FNTB: variants seen among roughly 807,000 people sequenced by gnomAD.
The protein encoded by FNTB is farnesyltransferase, CAAX box, subunit beta.
Under a neutral mutation model 59.4 loss-of-function variants are expected in FNTB, and 27 were observed. The observed-to-expected ratio is 0.45, with a 90% confidence interval of 0.34 to 0.63. The LOEUF is 0.63. Among genes scored for constraint, FNTB ranks in the 20% least tolerant of loss-of-function variants. FNTB has a pLI of 0.02. For synonymous variants in FNTB, 230 were observed against 220.7 expected (o/e 1.04, Z -0.37); for missense variants, 449 against 559.6 (o/e 0.80, Z 1.99).
intron 1 of FNTB, among the ~76,000 whole-genome samples, chr14:64,998,425 A>C (rs1888483754): frequency 6.6e-6 from 1 of 150,684 alleles, no homozygotes; most frequent in Non-Finnish European, 1.5e-5. Context: ...CTTTTAAGAT[A>C]ATTATTATTG....
At chr14:65,017,917 T>G (rs1302105602) in intron 4 of FNTB, among the ~76,000 whole-genome samples, 1 of 152,116 alleles carries the variant, frequency 6.6e-6, no homozygotes, top group Non-Finnish European at 1.5e-5. Flanking sequence ...ATTGCGCCTT[T>G]GCACTCCAGT....
At chr14:65,026,438 C>G (rs1011975980) in intron 4 of FNTB, among the ~76,000 whole-genome samples, 4 of 152,198 alleles carry the variant, frequency 2.6e-5, no homozygotes, top group Non-Finnish European at 5.9e-5. Flanking sequence ...CTCCAAGAAC[C>G]CGCAGACTGG....
At position 65,023,914 on chromosome 14, in the gene FNTB, A is replaced by G. The variant is rs2061932218; in HGVS notation, c.375-3539A>G. 6.6e-6 allele frequency among the ~76,000 whole-genome samples: 1 copy of G among 152,140 alleles called. No individual in the cohort carries two copies. Among genetic ancestry groups the G allele is most frequent in the South Asian group, 2.1e-4 (1 of 4,824 alleles). On this transcript the variant is annotated intron_variant, in intron 4 of 11. Coordinates refer to ENST00000246166, the MANE Select transcript of FNTB (RefSeq NM_002028.4). The surrounding 1 kb of genome is among the most constrained non-coding windows in gnomAD (Gnocchi z 4.1). ...TCGGGAGTTCGAGACCAGCCTGGGC[A>G]ACACAGTGAAACCCTGACTCTACTA...
At chr14:65,005,529 TTCTC>T (rs2061573545) in intron 2 of FNTB, among the ~76,000 whole-genome samples, 1 of 141,658 alleles carries the variant, frequency 7.1e-6, no homozygotes, top group Non-Finnish European at 1.6e-5. Context: ...CTCTTTCTCT[TTCTC>T]TTTCTTTCTC....
In FNTB at chr14:65,055,447, G is replaced by A. The variant is rs952626935; in HGVS notation, c.1182+758G>A. On this transcript the variant is annotated intron_variant, in intron 11 of 11. Coordinates refer to ENST00000246166, the MANE Select transcript of FNTB (RefSeq NM_002028.4). ...AACATGGCCTGCTGCTACCATCTAG[G>A]TCACTGCCTTATTTTCTCATCTGTG... Among the ~76,000 whole-genome samples, 87 of 151,964 alleles carry A rather than the reference G, an allele frequency of 5.7e-4. 7 individuals are homozygous for A. The highest frequency in any genetic ancestry group is 8.8e-5 in the Non-Finnish European group (6 of 67,980).
chr14:65,021,730 C>T (rs1321878623), intron 4 of FNTB, among the ~76,000 whole-genome samples: 1 of 152,192 alleles, frequency 6.6e-6, no homozygotes, highest in Non-Finnish European at 1.5e-5. Flanking sequence ...ACTGCAACTT[C>T]CACCTTCCGG....
chr14:65,060,061 G>C (rs1222358482), intron 11 of FNTB, among the ~76,000 whole-genome samples: 3 of 151,538 alleles, frequency 2.0e-5, no homozygotes, highest in Non-Finnish European at 4.4e-5. Flanking sequence ...TTGAACTCCT[G>C]ACCTCGGGTG....
intron 4 of FNTB, among the ~76,000 whole-genome samples, chr14:65,020,888 C>T (rs779591539): frequency 2.6e-4 from 39 of 151,878 alleles, no homozygotes; most frequent in Non-Finnish European, 4.7e-4. Flanking sequence ...TGTGCCACCA[C>T]GCCCAGCTAA....
At chr14:65,033,814 G>A (rs2040717298) in intron 7 of FNTB, among the ~76,000 whole-genome samples, 2 of 152,154 alleles carry the variant, frequency 1.3e-5, no homozygotes, top group Admixed American at 6.5e-5. Context: ...CCGAGATCAC[G>A]CCACTGCACT....
At position 65,054,547 on chromosome 14, in the gene FNTB, G is replaced by A. The variant is rs372013447; in HGVS notation, c.1068-28G>A. The A allele has an allele frequency of 1.2e-5, 19 of 1,599,430 alleles. No homozygotes were observed. Among genetic ancestry groups the A allele is most frequent in the Middle Eastern group, 1.7e-4 (1 of 6,060 alleles). On this transcript the variant is annotated intron_variant, in intron 10 of 11. Transcript: ENST00000246166. The surrounding 1 kb of genome is among the most constrained non-coding windows in gnomAD (Gnocchi z 4.4). ...GTAGATGTGTGCGGAGCAGAGGAGC[G>A]CCTGCTCAGAGCTGCCTGTCCTTAC...
intron 9 of FNTB, among the ~76,000 whole-genome samples, chr14:65,051,845 A>G: frequency 6.8e-6 from 1 of 146,884 alleles, no homozygotes; most frequent in Non-Finnish European, 1.5e-5. Context: ...CCCAGGCTGG[A>G]GTGCAGTGGT....
At chr14:64,988,335 A>G (rs1888035616) in intron 1 of FNTB, among the ~76,000 whole-genome samples, 1 of 152,048 alleles carries the variant, frequency 6.6e-6, no homozygotes, top group Admixed American at 6.6e-5. Context: ...GAAATTTCCC[A>G]TTGATGAAAA....
At position 65,010,268 on chromosome 14, in the gene FNTB, G is replaced by A. The variant is rs143659687; in HGVS notation, c.210-2049G>A. On this transcript the variant is annotated intron_variant, in intron 2 of 11. Transcript: ENST00000246166. ...GGCTCCTCCAAACCCTTAGAGATGGGTCTTCCCACAGTTTTGTTTCCAAAC... is the reference window on the plus strand; with the variant it reads ...GGCTCCTCCAAACCCTTAGAGATGGATCTTCCCACAGTTTTGTTTCCAAAC... 2.7e-3 allele frequency among the ~76,000 whole-genome samples: 418 copies of A among 152,264 alleles called. 2 individuals are homozygous for A. The highest frequency in any genetic ancestry group is 0.01 in the Middle Eastern group (3 of 294).
intron 1 of FNTB, among the ~76,000 whole-genome samples, chr14:64,989,220 C>A (rs1888082318): frequency 6.7e-6 from 1 of 148,368 alleles, no homozygotes; most frequent in African/African-American, 2.5e-5. Flanking sequence ...GCGGGAAGAT[C>A]ACCTGAGCCC....
rs561165644 is a variant in FNTB, at chr14:65,040,259, GTA to G, written c.693-523_693-522del. Among the ~76,000 whole-genome samples the G allele has an allele frequency of 1.4e-3, 204 of 144,986 alleles. 1 individual carries two copies. Among genetic ancestry groups the G allele is most frequent in the African/African-American group, 5.1e-3 (200 of 39,090 alleles). On this transcript the variant is annotated intron_variant, in intron 7 of 11. Coordinates refer to ENST00000246166, the MANE Select transcript of FNTB (RefSeq NM_002028.4). ...TTGATGGTTATCACTATATATATAT[GTA>G]TATATATGTATATATATGTGTGTAT...
intron 7 of FNTB, among the ~76,000 whole-genome samples, chr14:65,036,626 C>A (rs2139604707): frequency 6.6e-6 from 1 of 152,270 alleles, no homozygotes; most frequent in East Asian, 1.9e-4. Context: ...ATTCTTAATT[C>A]TCTGTATGTT....
Position 65,054,593 on chromosome 14 carries a change from C to T in FNTB, c.1086C>T (p.His362=). 2 of 1,613,544 alleles carry T rather than the reference C, an allele frequency of 1.2e-6. No individual in the cohort carries two copies. Among genetic ancestry groups the T allele is most frequent in the Non-Finnish European group, 1.7e-6 (2 of 1,179,798 alleles). ...CTTACAGGTCGCGTGATTTCTACCACACCTGCTACTGCCTGAGCGGCCTGT... is the reference window on the plus strand; with the variant it reads ...CTTACAGGTCGCGTGATTTCTACCATACCTGCTACTGCCTGAGCGGCCTGT... ...DKPGKSRDFY[H]TCYCLSGLSI... The change falls in exon 11 of 12, where the codon CAC becomes CAT. Residue 362 remains histidine, a synonymous_variant. Coordinates refer to ENST00000246166, the MANE Select transcript of FNTB (RefSeq NM_002028.4). The surrounding 1 kb of genome is among the most constrained non-coding windows in gnomAD (Gnocchi z 4.4).
Position 65,015,821 on chromosome 14 carries a change from G to A in FNTB, c.374+105G>A, listed in dbSNP as rs1188937423. ...TTTGTTTGGAATGGAAAAAAACAGT[G>A]CCACAAAGAAATCTTTGCTCTTCTC... On this transcript the variant is annotated intron_variant, in intron 4 of 11. Transcript: ENST00000246166. The A allele has an allele frequency of 1.1e-5, 14 of 1,321,594 alleles. No individual in the cohort carries two copies. The Admixed American group carries it at 2.6e-4, about 25-fold the overall frequency. 81.9% of individuals were successfully genotyped at this position (1,321,594 alleles called of 1,614,324 possible). A position where few individuals can be genotyped will look rare whatever the true frequency, so the allele number is the denominator to read the frequency against.
intron 4 of FNTB, among the ~76,000 whole-genome samples, chr14:65,018,942 C>A (rs1200195359): frequency 6.6e-6 from 1 of 152,072 alleles, no homozygotes; most frequent in Admixed American, 6.6e-5. Flanking sequence ...GAAACCCCGT[C>A]TCTACTAAAA....
Sources: allele counts gnomAD v4.1 joint callset (sites outside exome capture counted in the v4.1 genomes callset), GRCh38; gene constraint gnomAD v4.1.1; non-coding constraint Gnocchi (gnomAD v3.1); transcripts MANE v1.5; gene names NCBI Gene and HGNC (gene_info 2026-07-23, HGNC 2026-07-21).